CBR4: variants seen among roughly 807,000 people sequenced by gnomAD.
CBR4 encodes the protein carbonyl reductase 4.
CBR4 carries 22 observed loss-of-function variants against 21.0 expected under a neutral mutation model. The ratio of observed to expected loss-of-function variants is 1.05; its 90% CI spans 0.75 to 1.50. The LOEUF (loss-of-function observed/expected upper bound fraction) is 1.50, where lower values mean the gene tolerates loss of function less well. CBR4 is among the 40% of genes most tolerant of loss of function. The pLI, the probability that CBR4 is intolerant of heterozygous loss-of-function variation, is 0.00. For missense variants in CBR4, 302 were observed against 286.3 expected (o/e 1.05, Z -0.40); for synonymous variants, 100 against 104.4 (o/e 0.96, Z 0.26).
chr4:168,984,118 ATC>A (rs1199994488), downstream of CBR4, among the ~76,000 whole-genome samples: 2 of 152,050 alleles, frequency 1.3e-5, no homozygotes, highest in Non-Finnish European at 2.9e-5. Flanking sequence ...AAGTAAAATG[ATC>A]TCTCTTTACA....
chr4:168,960,358 T>C (rs745995744), intron 2 of CBR4, among the ~76,000 whole-genome samples: 14 of 152,192 alleles, frequency 9.2e-5, no homozygotes, highest in Non-Finnish European at 1.8e-4. Flanking sequence ...TGGAACCATA[T>C]AACAAATACT....
At chr4:168,976,151 A>C (rs1271535496) in intron 2 of CBR4, among the ~76,000 whole-genome samples, 4 of 152,182 alleles carry the variant, frequency 2.6e-5, no homozygotes, top group Middle Eastern at 3.2e-3. Context: ...GTTCACGCTT[A>C]GTCAAAATTA....
intron 2 of CBR4, among the ~76,000 whole-genome samples, chr4:168,966,644 T>C (rs11724533): frequency 0.014 from 2,083 of 152,200 alleles, 21 homozygotes; most frequent in Non-Finnish European, 0.019. Flanking sequence ...TGGAAGACAA[T>C]GTGGCGACTC....
intron 2 of CBR4, among the ~76,000 whole-genome samples, chr4:168,918,361 A>G (rs539343359): frequency 6.6e-6 from 1 of 151,676 alleles, no homozygotes; most frequent in Admixed American, 6.6e-5. Context: ...CACACAGTGG[A>G]AAATTATAAT....
At chr4:168,927,252 T>C (rs889538491) in intron 2 of CBR4, 6 of 231,028 alleles carry the variant, frequency 2.6e-5, no homozygotes, top group East Asian at 6.1e-5. Context: ...ATGATTATAG[T>C]GTGTTCATTT....
At chr4:168,961,137 T>C (rs145259480) in intron 2 of CBR4, among the ~76,000 whole-genome samples, 190 of 152,312 alleles carry the variant, frequency 1.2e-3, no homozygotes, top group African/African-American at 4.1e-3. Context: ...GACGCTTTCT[T>C]TGTCCTATTG....
intron 2 of CBR4, among the ~76,000 whole-genome samples, chr4:168,903,241 C>A (rs1398853794): frequency 6.6e-6 from 1 of 152,168 alleles, no homozygotes; most frequent in Non-Finnish European, 1.5e-5. Context: ...TTAGTCATCA[C>A]CTCCCTCCCT....
chr4:168,942,091 G>A (rs540270900), intron 2 of CBR4, among the ~76,000 whole-genome samples: 1 of 152,166 alleles, frequency 6.6e-6, no homozygotes, highest in Admixed American at 6.6e-5. Context: ...CAGGGACATG[G>A]ATGAAGCTGG....
At position 168,989,207 on chromosome 4, in the gene CBR4, C is replaced by T. The variant is rs113900911; in HGVS notation, c.*943G>A. On this transcript the variant is annotated 3_prime_UTR_variant, in exon 5 of 5. Coordinates refer to ENST00000306193, the MANE Select transcript of CBR4 (RefSeq NM_032783.5). The stretch of plus-strand genomic sequence containing the variant: ...ATCATAATCACTAATGCAAAATACT[C>T]TTAATTTTTTAAATGTTGTATTTCT... The T allele has an allele frequency of 2.2e-4, 212 of 971,010 alleles. 2 individuals are homozygous for T. The African/African-American group carries it at 3.4e-3, about 16-fold the overall frequency. 60.1% of individuals were successfully genotyped at this position (971,010 alleles called of 1,614,324 possible).
chr4:168,948,742 G>A (rs553116722), intron 2 of CBR4, among the ~76,000 whole-genome samples: 3 of 152,294 alleles, frequency 2.0e-5, no homozygotes, highest in African/African-American at 7.2e-5. Context: ...TTTTATACCA[G>A]TACCATGCTG....
At chr4:169,006,017 C>A in intron 3 of CBR4, 2 of 741,402 alleles carry the variant, frequency 2.7e-6, no homozygotes, top group Non-Finnish European at 4.1e-6. Context: ...ATTTTAAGTT[C>A]TACAGGCATA....
Position 168,916,506 on chromosome 4 carries a change from A to G in CBR4, n.170-21741T>C, listed in dbSNP as rs1006063602. Among the ~76,000 whole-genome samples the G allele has an allele frequency of 9.6e-4, 131 of 136,714 alleles. 1 individual carries two copies. The highest frequency in any genetic ancestry group is 2.0e-4 in the Non-Finnish European group (12 of 60,774). 89.7% of individuals were successfully genotyped at this position (136,714 alleles called of 152,430 possible). ...ATGATTCTTTAAATCTAAATTAAAT[A>G]TGTTCTTTACTCAGAACCCTACATG... On this transcript the variant is annotated intron_variant and non_coding_transcript_variant, in intron 2 of 3. Coordinates refer to the CBR4 transcript ENST00000509108.
chr4:168,951,593 C>CACAAA (rs1308844969), intron 2 of CBR4, among the ~76,000 whole-genome samples: 10 of 152,120 alleles, frequency 6.6e-5, no homozygotes. Context: ...TTTAGCAGTT[C>CACAAA]TTGTAGTGGT....
At chr4:168,959,751 G>T (rs1763791800) in intron 2 of CBR4, among the ~76,000 whole-genome samples, 1 of 151,288 alleles carries the variant, frequency 6.6e-6, no homozygotes. Flanking sequence ...CTTTTAGAGA[G>T]ATGGGGTTTC....
rs769542367 is a variant in CBR4 at position 169,007,757 on chromosome 4, C to T, written c.143-1G>A. ...TCACAGCTAAATGCCAAATGATCTC[C>T]TACACAACAAAGTTAAATAAGAATT... On this transcript the variant is annotated splice_acceptor_variant, in intron 1 of 4. Transcript: ENST00000306193. LOFTEE classifies it high-confidence loss of function. The T allele has an allele frequency of 2.5e-5, 40 of 1,569,828 alleles. No individual in the cohort carries two copies. Among genetic ancestry groups the T allele is most frequent in the Non-Finnish European group, 3.4e-5 (39 of 1,162,058 alleles).
intron 2 of CBR4, among the ~76,000 whole-genome samples, chr4:168,899,912 C>T (rs1457965195): frequency 1.3e-5 from 2 of 148,612 alleles, no homozygotes; most frequent in South Asian, 2.1e-4. Context: ...AGTGAGACTC[C>T]GTCTCAAAAA....
At chr4:168,909,668 C>A (rs987472442) in intron 2 of CBR4, among the ~76,000 whole-genome samples, 9 of 152,076 alleles carry the variant, frequency 5.9e-5, no homozygotes, top group Non-Finnish European at 2.9e-5. Flanking sequence ...TTAATAAAAG[C>A]AAATGCAGCA....
At chr4:168,959,845 G>A (rs1486098362) in intron 2 of CBR4, among the ~76,000 whole-genome samples, 2 of 147,440 alleles carry the variant, frequency 1.4e-5, no homozygotes, top group African/African-American at 5.0e-5. Flanking sequence ...TTACAGGCGT[G>A]AGCCACCACG....
At chr4:168,976,989 T>A (rs1283351752) in intron 2 of CBR4, among the ~76,000 whole-genome samples, 4 of 152,126 alleles carry the variant, frequency 2.6e-5, no homozygotes, top group Non-Finnish European at 5.9e-5. Context: ...AGCCAACTTT[T>A]CCCCCCTCAC....
Sources: gnomAD v4.1 joint callset for allele counts (sites outside exome capture counted in the v4.1 genomes callset) on GRCh38, gnomAD v4.1.1 for gene constraint, MANE v1.5 for transcripts, NCBI Gene and HGNC (gene_info 2026-07-23, HGNC 2026-07-21) for gene names.